R3HDM2: variants seen among roughly 807,000 people sequenced by gnomAD.
The protein encoded by R3HDM2 is R3H domain-containing protein 2.
In R3HDM2, 38 loss-of-function variants were observed where a neutral mutation model predicts 124.5. That is an observed-to-expected ratio of 0.31 (90% CI 0.24 to 0.40). R3HDM2 has a LOEUF of 0.40. Ranked by LOEUF, R3HDM2 falls within the 10% of genes least tolerant of loss-of-function variation. R3HDM2 has a pLI of 1.00. For synonymous variants in R3HDM2, 391 were observed against 448.0 expected (o/e 0.87, Z 1.61); for missense variants, 869 against 1,236.9 (o/e 0.70, Z 4.46).
At chr12:57,366,698 TG>T (rs1333524226) in intron 2 of R3HDM2, among the ~76,000 whole-genome samples, 2 of 152,136 alleles carry the variant, frequency 1.3e-5, no homozygotes, top group Non-Finnish European at 2.9e-5. Context: ...GTTGTTGTTT[TG>T]TTTTTTTTGA....
chr12:57,385,688 G>A (rs762867712), intron 2 of R3HDM2, among the ~76,000 whole-genome samples: 114 of 150,484 alleles, frequency 7.6e-4, no homozygotes, highest in Non-Finnish European at 1.3e-3. Context: ...GCAGGACCCC[G>A]TCTTCAAAAA....
intron 1 of R3HDM2, among the ~76,000 whole-genome samples, chr12:57,421,580 T>G (rs947487856): frequency 2.0e-5 from 3 of 151,410 alleles, no homozygotes; most frequent in Admixed American, 6.6e-5. Context: ...GGATTGTGGC[T>G]TACTGCAGCC....
chr12:57,296,114 C>T lies in R3HDM2; in HGVS notation c.701+297G>A, dbSNP rs967441081. ...TGAACTCCTGACCTTATGATCCACC[C>T]GCCTCGGCCTCCCAAAGTGCTGGGA... On this transcript the variant is annotated intron_variant, in intron 9 of 23. Coordinates refer to ENST00000402412, the MANE Select transcript of R3HDM2 (RefSeq NM_001394031.1). This position sits in a 1 kb window ranked among gnomAD's most constrained non-coding sequence, Gnocchi z 4.5. Among the ~76,000 whole-genome samples, 4 of 151,414 alleles carry T rather than the reference C, an allele frequency of 2.6e-5. No individual in the cohort carries two copies. The highest frequency in any genetic ancestry group is 1.3e-4 in the Admixed American group (2 of 15,202).
intron 2 of R3HDM2, among the ~76,000 whole-genome samples, chr12:57,384,777 T>C (rs2065453256): frequency 6.6e-6 from 1 of 152,198 alleles, no homozygotes; most frequent in Non-Finnish European, 1.5e-5. Context: ...TTTAGAAAGA[T>C]TACTTTTTCT....
chr12:57,305,998 G>C (rs2052492430), intron 3 of R3HDM2, among the ~76,000 whole-genome samples: 1 of 152,222 alleles, frequency 6.6e-6, no homozygotes, highest in Non-Finnish European at 1.5e-5. Context: ...ACATCATCTG[G>C]ATTGAGTTTT....
At chr12:57,340,754 C>T (rs2059459529) in intron 2 of R3HDM2, among the ~76,000 whole-genome samples, 1 of 152,126 alleles carries the variant, frequency 6.6e-6, no homozygotes, top group East Asian at 1.9e-4. Context: ...GTTACCTAAA[C>T]ACACATTGAC....
At chr12:57,396,420 G>A (rs773041094) in intron 1 of R3HDM2, among the ~76,000 whole-genome samples, 2 of 151,388 alleles carry the variant, frequency 1.3e-5, no homozygotes, top group Non-Finnish European at 2.9e-5. Context: ...CAGCCTGGGG[G>A]ACAGAGTGAG....
At position 57,254,070 on chromosome 12, in the gene R3HDM2, T is replaced by C. The variant is rs781739141; in HGVS notation, c.*703A>G. 1 of 422,402 alleles carries C rather than the reference T, an allele frequency of 2.4e-6. No homozygotes were observed. Among genetic ancestry groups the C allele is most frequent in the South Asian group, 1.7e-5 (1 of 57,154 alleles). The allele number at this position is 422,402 out of a possible 1,614,324, so 26.2% of individuals were successfully genotyped here. ...TCTTAATTCTGTCCATATAAATATATTCATAAAGACCAAAAAAGGAAAGGA... is the reference window on the plus strand; with the variant it reads ...TCTTAATTCTGTCCATATAAATATACTCATAAAGACCAAAAAAGGAAAGGA... On this transcript the variant is annotated 3_prime_UTR_variant, in exon 24 of 24. Transcript: ENST00000402412.
At chr12:57,304,224 T>A (rs1315855607) in intron 3 of R3HDM2, among the ~76,000 whole-genome samples, 1 of 151,878 alleles carries the variant, frequency 6.6e-6, no homozygotes, top group Non-Finnish European at 1.5e-5. Context: ...TGGATAAGGG[T>A]CAGGATAGAA....
intron 2 of R3HDM2, among the ~76,000 whole-genome samples, chr12:57,392,822 TTTG>T (rs2066905773): frequency 6.6e-6 from 1 of 150,812 alleles, no homozygotes. Flanking sequence ...TTTTTTTTTT[TTTG>T]CTAGAGTCTC....
chr12:57,379,950 ACTTATCTTC>A (rs1482049977), intron 2 of R3HDM2, among the ~76,000 whole-genome samples: 2 of 152,132 alleles, frequency 1.3e-5, no homozygotes, highest in Non-Finnish European at 2.9e-5. Flanking sequence ...GATCTCTTCA[ACTTATCTTC>A]CTTACCTGTC....
At chr12:57,374,726 G>A (rs532768416) in intron 2 of R3HDM2, among the ~76,000 whole-genome samples, 6 of 147,872 alleles carry the variant, frequency 4.1e-5, no homozygotes, top group Non-Finnish European at 7.4e-5. Flanking sequence ...GGGCGCGGTG[G>A]CTCACGCCTG....
intron 1 of R3HDM2, among the ~76,000 whole-genome samples, chr12:57,404,870 T>A (rs2068385723): frequency 1.3e-5 from 2 of 151,704 alleles, no homozygotes; most frequent in Non-Finnish European, 2.9e-5. Context: ...AAATACAGAT[T>A]TTACAAAAAA....
intron 13 of R3HDM2, among the ~76,000 whole-genome samples, chr12:57,281,245 C>T (rs1420681978): frequency 6.8e-6 from 1 of 147,960 alleles, no homozygotes; most frequent in Non-Finnish European, 1.5e-5. Context: ...TGAGATCGCG[C>T]CATGACACTC....
At chr12:57,391,044 G>T (rs975740850) in intron 2 of R3HDM2, among the ~76,000 whole-genome samples, 1 of 149,810 alleles carries the variant, frequency 6.7e-6, no homozygotes, top group African/African-American at 2.4e-5. Flanking sequence ...AGAAAGAAAA[G>T]AAATATCTAA....
intron 2 of R3HDM2, among the ~76,000 whole-genome samples, chr12:57,365,947 C>A (rs947751662): frequency 1.2e-4 from 16 of 133,118 alleles, no homozygotes; most frequent in African/African-American, 3.7e-4. Context: ...AAAAAAAAAA[C>A]AAAATATATC....
At chr12:57,346,636 G>A (rs1187808892) in intron 2 of R3HDM2, among the ~76,000 whole-genome samples, 2 of 152,088 alleles carry the variant, frequency 1.3e-5, no homozygotes, top group Admixed American at 6.5e-5. Context: ...ATTCACAGTA[G>A]CAGATCTGCA....
chr12:57,415,823 A>C (rs930079168), intron 1 of R3HDM2, among the ~76,000 whole-genome samples: 22 of 152,174 alleles, frequency 1.4e-4, no homozygotes, highest in African/African-American at 5.1e-4. Flanking sequence ...ACATTCTTCA[A>C]AACAATCGGC....
intron 2 of R3HDM2, among the ~76,000 whole-genome samples, chr12:57,349,256 T>C (rs976529982): frequency 5.3e-4 from 81 of 151,484 alleles, no homozygotes; most frequent in Admixed American, 1.8e-3. Flanking sequence ...GGCAGGTGCC[T>C]GTAGTCCCAG....
Sources: allele counts gnomAD v4.1 joint callset (sites outside exome capture counted in the v4.1 genomes callset), GRCh38; gene constraint gnomAD v4.1.1; non-coding constraint Gnocchi (gnomAD v3.1); transcripts MANE v1.5; gene names NCBI Gene and HGNC (gene_info 2026-07-23, HGNC 2026-07-21).